The following PLCL1 variants were observed in gnomAD, a reference collection of about 807,000 sequenced individuals.
PLCL1 encodes inactive phospholipase C-like protein 1.
PLCL1 carries 41 observed loss-of-function variants against 84.4 expected under a neutral mutation model. The observed-to-expected ratio is 0.49, with a 90% confidence interval of 0.38 to 0.63. The LOEUF is 0.63. PLCL1 is among the 30% of genes least tolerant of loss of function. The probability of loss-of-function intolerance (pLI) is 0.00; values close to 1 mark genes in which losing one functional copy is unlikely to be tolerated. For missense variants in PLCL1, 1,206 were observed against 1,367.8 expected (o/e 0.88, Z 1.87); for synonymous variants, 490 against 488.3 (o/e 1.00, Z -0.05).
intron 5 of PLCL1, among the ~76,000 whole-genome samples, chr2:198,144,675 T>C (rs1038159515): frequency 2.0e-5 from 3 of 152,216 alleles, no homozygotes; most frequent in Non-Finnish European, 4.4e-5. Flanking sequence ...TAAAAATTGG[T>C]TGAAGATGCT....
Position 198,085,425 on chromosome 2 carries a change from G to T in PLCL1, c.1908G>T (p.Lys636Asn), listed in dbSNP as rs748883786. The part of the protein sequence containing the change: ...EYPEDFVNYN[K>N]KFLSRIYPSA... ...CAGAGGATTTTGTTAATTATAATAA[G>T]AAGTTCTTATCAAGAATCTATCCAA... The change falls in exon 2 of 6, where the codon AAG (lysine) becomes AAT (asparagine). Residue 636 changes from lysine to asparagine, a missense_variant. By Grantham distance (94) the Lys-to-Asn change is moderately conservative. Coordinates refer to ENST00000428675, the MANE Select transcript of PLCL1 (RefSeq NM_006226.4). This position sits in a 1 kb window ranked among gnomAD's most constrained non-coding sequence, Gnocchi z 5.3. 4 of 1,612,916 alleles carry T rather than the reference G, an allele frequency of 2.5e-6. No individual in the cohort carries two copies. The highest frequency in any genetic ancestry group is 2.5e-6 in the Non-Finnish European group (3 of 1,179,028).
intron 1 of PLCL1, among the ~76,000 whole-genome samples, chr2:198,044,589 A>C (rs1691743632): frequency 6.6e-6 from 1 of 152,198 alleles, no homozygotes; most frequent in African/African-American, 2.4e-5. Flanking sequence ...ATAAACCAAA[A>C]CCATAGGGGT....
intron 1 of PLCL1, among the ~76,000 whole-genome samples, chr2:198,064,436 C>T (rs1314148273): frequency 6.6e-6 from 1 of 152,160 alleles, no homozygotes; most frequent in African/African-American, 2.4e-5. Context: ...TAGATTTTGT[C>T]CATATTACCA....
At chr2:198,086,482 G>A (rs1006385125) in intron 2 of PLCL1, among the ~76,000 whole-genome samples, 2 of 152,080 alleles carry the variant, frequency 1.3e-5, no homozygotes, top group African/African-American at 2.4e-5. Context: ...TTAGCCAGAT[G>A]TGGTGGCGAG....
intron 1 of PLCL1, among the ~76,000 whole-genome samples, chr2:197,942,810 G>A (rs1324006169): frequency 6.6e-6 from 1 of 152,132 alleles, no homozygotes; most frequent in Admixed American, 6.5e-5. Context: ...TTTGATTATG[G>A]TATCTAATGA....
chr2:197,838,297 G>A (rs1488074790), intron 1 of PLCL1, among the ~76,000 whole-genome samples: 1 of 152,216 alleles, frequency 6.6e-6, no homozygotes, highest in Non-Finnish European at 1.5e-5. Flanking sequence ...GAGGGCCCAT[G>A]TAATTCTGCT....
At chr2:197,834,333 A>G (rs1691135812) in intron 1 of PLCL1, among the ~76,000 whole-genome samples, 1 of 152,238 alleles carries the variant, frequency 6.6e-6, no homozygotes, top group East Asian at 1.9e-4. Context: ...GCTTCTGCAC[A>G]TCAAAAGAAA....
rs1157242994 is a variant in PLCL1 at position 198,147,305 on chromosome 2, A to C, written c.*343A>C. 1 of 164,696 alleles carries C rather than the reference A, an allele frequency of 6.1e-6. No homozygotes were observed. Among genetic ancestry groups the C allele is most frequent in the African/African-American group, 2.4e-5 (1 of 41,962 alleles). The allele number at this position is 164,696 out of a possible 1,614,324, so 10.2% of individuals were successfully genotyped here. On this transcript the variant is annotated 3_prime_UTR_variant, in exon 6 of 6. Coordinates refer to ENST00000428675, the MANE Select transcript of PLCL1 (RefSeq NM_006226.4). ...CTATTCTGTGTTGCATTATTCATTT[A>C]GTGAGTTATTCCTTGATCATTTTGG...
At chr2:197,983,838 C>T (rs1043388270) in intron 1 of PLCL1, among the ~76,000 whole-genome samples, 3 of 152,150 alleles carry the variant, frequency 2.0e-5, no homozygotes, top group Non-Finnish European at 4.4e-5. Flanking sequence ...TAATGCAATA[C>T]ATAGACCTGC....
At chr2:198,005,028 C>T (rs893623709) in intron 1 of PLCL1, among the ~76,000 whole-genome samples, 5 of 152,168 alleles carry the variant, frequency 3.3e-5, no homozygotes, top group South Asian at 2.1e-4. Flanking sequence ...TTCTAGCTTT[C>T]GGTTCCTAAG....
chr2:198,018,872 C>T (rs1359366524), intron 1 of PLCL1, among the ~76,000 whole-genome samples: 6 of 152,332 alleles, frequency 3.9e-5, no homozygotes, highest in East Asian at 3.9e-4. Context: ...GCACAGTGCT[C>T]GAGCTCTGCT....
chr2:198,071,820 A>G (rs758011797), intron 1 of PLCL1, among the ~76,000 whole-genome samples: 8 of 151,886 alleles, frequency 5.3e-5, no homozygotes, highest in Non-Finnish European at 1.0e-4. Context: ...CCAAAACTAT[A>G]CAAATATACT....
At chr2:197,952,879 G>C (rs1279673533) in intron 1 of PLCL1, among the ~76,000 whole-genome samples, 3 of 152,004 alleles carry the variant, frequency 2.0e-5, no homozygotes, top group African/African-American at 7.2e-5. Context: ...CGCCATGATT[G>C]TGAGGCCTCC....
intron 1 of PLCL1, among the ~76,000 whole-genome samples, chr2:197,874,358 G>C (rs893672964): frequency 6.6e-6 from 1 of 151,866 alleles, no homozygotes; most frequent in African/African-American, 2.4e-5. Context: ...AGAAGCTTTG[G>C]AATATGTAGA....
chr2:197,844,265 C>T (rs1574909070), intron 1 of PLCL1, among the ~76,000 whole-genome samples: 1 of 151,980 alleles, frequency 6.6e-6, no homozygotes, highest in African/African-American at 2.4e-5. Flanking sequence ...AGGAGCACAC[C>T]TTCTCCCAGT....
chr2:197,960,988 A>C (rs1243742124), intron 1 of PLCL1, among the ~76,000 whole-genome samples: 1 of 152,104 alleles, frequency 6.6e-6, no homozygotes, highest in Non-Finnish European at 1.5e-5. Context: ...ACAATTTTAG[A>C]AATGTTCTGG....
chr2:197,911,579 G>T (rs1688486156), intron 1 of PLCL1, among the ~76,000 whole-genome samples: 1 of 152,074 alleles, frequency 6.6e-6, no homozygotes, highest in African/African-American at 2.4e-5. Context: ...TTTGCTTCCA[G>T]GCATTAAGAG....
At chr2:198,117,317 G>T (rs1231361565) in intron 5 of PLCL1, among the ~76,000 whole-genome samples, 1 of 140,550 alleles carries the variant, frequency 7.1e-6, no homozygotes, top group African/African-American at 2.6e-5. Context: ...GTCTCTATCA[G>T]TCATTTTCTG....
At chr2:197,900,539 C>T (rs1193338256) in intron 1 of PLCL1, among the ~76,000 whole-genome samples, 3 of 152,148 alleles carry the variant, frequency 2.0e-5, no homozygotes, top group African/African-American at 4.8e-5. Flanking sequence ...GTGGGTCTCA[C>T]CAATGTGTGA....
Sources: gnomAD v4.1 joint callset for allele counts (sites outside exome capture counted in the v4.1 genomes callset) on GRCh38, gnomAD v4.1.1 for gene constraint, Gnocchi (gnomAD v3.1) non-coding constraint, MANE v1.5 for transcripts, NCBI Gene and HGNC (gene_info 2026-07-23, HGNC 2026-07-21) for gene names.